Variants in AGBL3 observed in about 807,000 individuals in gnomAD.
AGBL3 encodes cytosolic carboxypeptidase 3.
A neutral mutation model predicts 94.5 loss-of-function variants in AGBL3; 68 were observed. That is an observed-to-expected ratio of 0.72 (90% CI 0.59 to 0.88). The LOEUF (loss-of-function observed/expected upper bound fraction) is 0.88, where lower values mean the gene tolerates loss of function less well. AGBL3 is among the 40% of genes least tolerant of loss of function. The probability of loss-of-function intolerance (pLI) is 0.00; values close to 1 mark genes in which losing one functional copy is unlikely to be tolerated. For missense variants in AGBL3, 934 were observed against 1,103.8 expected, an observed-to-expected ratio of 0.85 and a Z score of 2.18; for synonymous variants, 354 against 370.7, an observed-to-expected ratio of 0.95 and a Z score of 0.52.
chr7:135,009,030 G>C (rs1319633696), intron 4 of AGBL3, among the ~76,000 whole-genome samples: 1 of 152,164 alleles, frequency 6.6e-6, no homozygotes, highest in Non-Finnish European at 1.5e-5. Context: ...CACTGCTGTT[G>C]GGAATGTAAA....
At position 134,996,862 on chromosome 7, in the gene AGBL3, T is replaced by C. The variant is rs1347208474; in HGVS notation, c.310+3184T>C. 5.3e-5 allele frequency among the ~76,000 whole-genome samples: 8 copies of C among 152,232 alleles called. No homozygotes were observed. In the East Asian group the frequency reaches 1.5e-3, roughly 29 times the overall value. ...TTTATTGTCATAAAAGCAAATAGTT[T>C]ATGAGTGTGGTCAGGGGTCCTCAAG... On this transcript the variant is annotated intron_variant, in intron 4 of 16. Coordinates refer to ENST00000436302, the MANE Select transcript of AGBL3 (RefSeq NM_178563.4).
At chr7:135,008,632 T>A (rs369965332) in intron 4 of AGBL3, among the ~76,000 whole-genome samples, 182 of 136,102 alleles carry the variant, frequency 1.3e-3, no homozygotes, top group African/African-American at 4.1e-3. Flanking sequence ...AAAAAAAAAA[T>A]AGATGAATTG....
intron 9 of AGBL3, among the ~76,000 whole-genome samples, chr7:135,044,622 A>G (rs1817177675): frequency 6.6e-6 from 1 of 152,154 alleles, no homozygotes; most frequent in Non-Finnish European, 1.5e-5. Flanking sequence ...AGAATACTCC[A>G]TATTAAAATA....
chr7:135,094,007 C>G, intron 15 of AGBL3: 1 of 170,066 alleles, frequency 5.9e-6, no homozygotes, highest in South Asian at 1.4e-4. Flanking sequence ...AAAAAATAGT[C>G]TTTTCAGCAA....
At chr7:135,059,048 C>A (rs1341194204) in intron 11 of AGBL3, 121 bp from the exon 12 acceptor site, 3 of 765,790 alleles carry the variant, frequency 3.9e-6, no homozygotes, top group Admixed American at 2.7e-5. Flanking sequence ...TGAGTCACTG[C>A]GCCCGGCCAC....
chr7:135,040,549 A>G (rs982969954), intron 8 of AGBL3, among the ~76,000 whole-genome samples: 1 of 151,206 alleles, frequency 6.6e-6, no homozygotes, highest in African/African-American at 2.4e-5. Flanking sequence ...ATATAGAAAA[A>G]GTTTTTAACA....
intron 5 of AGBL3, among the ~76,000 whole-genome samples, chr7:135,031,378 G>A (rs1815724387): frequency 6.6e-6 from 1 of 152,104 alleles, no homozygotes; most frequent in African/African-American, 2.4e-5. Context: ...TCATGCCTCA[G>A]TCTCCTGAGT....
At chr7:135,100,985 G>A (rs1255530977) in intron 15 of AGBL3, among the ~76,000 whole-genome samples, 1 of 152,202 alleles carries the variant, frequency 6.6e-6, no homozygotes, top group Non-Finnish European at 1.5e-5. Flanking sequence ...TGCATACCCT[G>A]AGGTGTAATA....
chr7:135,045,964 C>G (rs1294448479), intron 11 of AGBL3, 53 bp downstream of exon 11: 1 of 1,170,008 alleles, frequency 8.5e-7, no homozygotes, highest in African/African-American at 1.6e-5. Context: ...TTACTATGTT[C>G]TTTATAATTA....
intron 16 of AGBL3, chr7:135,128,378 G>A: frequency 2.0e-6 from 1 of 505,236 alleles, no homozygotes; most frequent in Non-Finnish European, 3.6e-6. Context: ...TGGTGGGAGT[G>A]TAGCAGTGAG....
intron 5 of AGBL3, among the ~76,000 whole-genome samples, chr7:135,025,665 A>C (rs1043323670): frequency 1.3e-5 from 2 of 151,590 alleles, no homozygotes; most frequent in African/African-American, 2.4e-5. Context: ...TAAAAAGACA[A>C]GACCCAACTG....
chr7:135,003,657 A>G (rs4732077), intron 4 of AGBL3, among the ~76,000 whole-genome samples: 139,118 of 150,348 alleles, frequency 0.93, 65,136 homozygotes, highest in Non-Finnish European at 1. Context: ...TATAGTTTTA[A>G]TTTTTTTTTT....
At chr7:135,013,849 C>T (rs13241342) in intron 4 of AGBL3, among the ~76,000 whole-genome samples, 141,560 of 152,122 alleles carry the variant, frequency 0.93, 66,688 homozygotes, top group Non-Finnish European at 1. Context: ...TTAGCATATG[C>T]CAAAAGCATC....
chr7:135,096,783 G>GAAAGAAAGAAAT (rs1473386036), intron 15 of AGBL3, among the ~76,000 whole-genome samples: 24 of 148,866 alleles, frequency 1.6e-4, no homozygotes, highest in African/African-American at 6.0e-4. Flanking sequence ...AAGAAAGAAA[G>GAAAGAAAGAAAT]AAAGAAAGAA....
chr7:135,067,474 T>A (rs1031482936), intron 12 of AGBL3, among the ~76,000 whole-genome samples: 5 of 152,102 alleles, frequency 3.3e-5, no homozygotes, highest in African/African-American at 4.8e-5. Flanking sequence ...AGTAGCCTAA[T>A]TGGGAGGCAC....
At chr7:135,037,824 C>T (rs1816460581) in intron 8 of AGBL3, among the ~76,000 whole-genome samples, 1 of 152,058 alleles carries the variant, frequency 6.6e-6, no homozygotes, top group Admixed American at 6.6e-5. Context: ...GCTCTTTTAC[C>T]TTTTGAAAGC....
At chr7:135,001,664 A>G (rs1432879288) in intron 4 of AGBL3, among the ~76,000 whole-genome samples, 2 of 151,912 alleles carry the variant, frequency 1.3e-5, no homozygotes, top group South Asian at 2.1e-4. Flanking sequence ...GTCTTTCCCT[A>G]TTCTTTCATG....
At chr7:135,067,844 A>G (rs540275007) in intron 12 of AGBL3, among the ~76,000 whole-genome samples, 5 of 152,340 alleles carry the variant, frequency 3.3e-5, no homozygotes, top group African/African-American at 2.4e-5. Flanking sequence ...CTCCTCCTCC[A>G]AAGGAACGCA....
chr7:135,077,698 C>T (rs930173365), intron 13 of AGBL3, among the ~76,000 whole-genome samples: 1 of 127,088 alleles, frequency 7.9e-6, no homozygotes, highest in Admixed American at 9.0e-5. Context: ...TGCCCTAAAA[C>T]TTGCCTCAGT....
Sources: gnomAD v4.1 joint callset for allele counts (sites outside exome capture counted in the v4.1 genomes callset) on GRCh38, gnomAD v4.1.1 for gene constraint, MANE v1.5 for transcripts, NCBI Gene and HGNC (gene_info 2026-07-23, HGNC 2026-07-21) for gene names.